RBCK1: variants seen among roughly 807,000 people sequenced by gnomAD.
The protein encoded by RBCK1 is ranBP-type and C3HC4-type zinc finger-containing protein 1.
In RBCK1, 44 loss-of-function variants were observed where a neutral mutation model predicts 71.1. That is an observed-to-expected ratio of 0.62 (90% CI 0.49 to 0.80). The LOEUF (loss-of-function observed/expected upper bound fraction) is 0.80. RBCK1 is among the 30% of genes least tolerant of loss of function. The pLI is 0.00. For synonymous variants in RBCK1, 306 were observed against 279.7 expected, an observed-to-expected ratio of 1.09 and a Z score of -0.94; for missense variants, 569 against 685.0, an observed-to-expected ratio of 0.83 and a Z score of 1.89.
In RBCK1 at chr20:428,539, C is replaced by G; in HGVS notation, c.1258C>G (p.Leu420Val). The G allele has an allele frequency of 6.2e-7, 1 of 1,612,872 alleles. No homozygotes were observed. Among genetic ancestry groups the G allele is most frequent in the Non-Finnish European group, 8.5e-7 (1 of 1,179,580 alleles). Residue 420 changes from leucine (L) to valine (V), a missense_variant, in exon 10 of 12, where the codon CTG becomes GTG. By Grantham distance (32) the Leu-to-Val change is conservative. This residue lies in a region of RBCK1 where 211 missense variants were observed against 309.4 expected (regional missense o/e 0.68). Coordinates refer to ENST00000356286, the MANE Select transcript of RBCK1 (RefSeq NM_031229.4). The surrounding 1 kb of genome is among the most constrained non-coding windows in gnomAD (Gnocchi z 5.7). ...NCKEYQEDLA[L>V]RAQNDVAARQ... ...CAAGGAGTATCAGGAGGACCTGGCCCTGCGGGCTCAGAACGATGTGGCTGC... is the reference window on the plus strand; with the variant it reads ...CAAGGAGTATCAGGAGGACCTGGCCGTGCGGGCTCAGAACGATGTGGCTGC...
rs749049083 is a variant in RBCK1 at position 419,335 on chromosome 20, C to G, written c.461-12C>G. On this transcript the variant is annotated splice_polypyrimidine_tract_variant and intron_variant, in intron 4 of 11. Transcript: ENST00000356286. Reference sequence around the variant, plus strand: ...CCGCGTGGAACCACCACCCTTTAACCCTCCTCCACAGATCTGGGCTTCAAG... The same window carrying G: ...CCGCGTGGAACCACCACCCTTTAACGCTCCTCCACAGATCTGGGCTTCAAG... 10 of 1,611,536 alleles carry G rather than the reference C, an allele frequency of 6.2e-6. No individual in the cohort carries two copies. Among genetic ancestry groups the G allele is most frequent in the Non-Finnish European group, 8.5e-6 (10 of 1,179,782 alleles).
rs774507518 is a variant in RBCK1 at position 429,033 on chromosome 20, G to A, written c.1391G>A (p.Arg464His). The part of the protein sequence containing the change: ...VQKKDGCDWI[R>H]CTVCHTEICW... ...AAGAAGGACGGCTGCGACTGGATCC[G>A]CTGCACCGTCTGCCACACCGAGATC... Residue 464 changes from arginine (R) to histidine (H), a missense_variant, in exon 11 of 12, where the codon CGC becomes CAC. Arg to His is a conservative substitution (Grantham distance 29). This residue lies in a region of RBCK1 where 211 missense variants were observed against 309.4 expected (regional missense o/e 0.68). Transcript: ENST00000356286. 41 of 1,612,464 alleles carry A rather than the reference G, an allele frequency of 2.5e-5. No individual in the cohort carries two copies. The East Asian group carries it at 8.9e-4, about 35-fold the overall frequency.
intron 4 of RBCK1, 58 bp from the exon 5 acceptor site, chr20:419,289 C>CA (rs1184897061): frequency 6.2e-7 from 1 of 1,606,598 alleles, no homozygotes; most frequent in African/African-American, 1.3e-5. Flanking sequence ...GACCCACCCC[C>CA]ATGGGTGTGG....
chr20:429,714 G>T (rs1057406556), intron 11 of RBCK1, among the ~76,000 whole-genome samples: 2 of 152,140 alleles, frequency 1.3e-5, no homozygotes, highest in Non-Finnish European at 2.9e-5. Context: ...ATGGCTGCCC[G>T]GCCCAAAATG....
chr20:426,981 C>T (rs991766459), intron 8 of RBCK1, among the ~76,000 whole-genome samples: 1 of 150,402 alleles, frequency 6.6e-6, no homozygotes, highest in African/African-American at 2.5e-5. Context: ...GTGAGCACCA[C>T]ACCTGGTTAT....
Position 417,757 on chromosome 20 carries a change from C to T in RBCK1, c.287C>T (p.Pro96Leu), listed in dbSNP as rs1409054212. ...GTTTTTCTGGACTATGGCTTCCCAC[C>T]AGTCTTGCAGCAGTGGGTGATTGGG... ...DMVFLDYGFP[P>L]VLQQWVIGQR... The change falls in exon 4 of 12, where the codon CCA becomes CTA. Residue 96 changes from proline to leucine, a missense_variant. By Grantham distance (98) the Pro-to-Leu change is moderately conservative. Coordinates refer to ENST00000356286, the MANE Select transcript of RBCK1 (RefSeq NM_031229.4). The surrounding 1 kb of genome is among the most constrained non-coding windows in gnomAD (Gnocchi z 4.7). 3 of 1,613,698 alleles carry T rather than the reference C, an allele frequency of 1.9e-6. No homozygotes were observed. The highest frequency in any genetic ancestry group is 1.7e-6 in the Non-Finnish European group (2 of 1,179,752).
intron 8 of RBCK1, among the ~76,000 whole-genome samples, chr20:425,831 T>C (rs2122311040): frequency 6.6e-6 from 1 of 152,266 alleles, no homozygotes; most frequent in Non-Finnish European, 1.5e-5. Context: ...TTCACTATGT[T>C]GGCCAAGCTA....
At chr20:419,213 A>T (rs1323791676) in intron 4 of RBCK1, 134 bp from the exon 5 acceptor site, 1 of 1,234,312 alleles carries the variant, frequency 8.1e-7, no homozygotes, top group Non-Finnish European at 1.1e-6. Context: ...GGCCAGATGG[A>T]AGCTGGAGGT....
chr20:415,109 A>C (rs140948810), intron 2 of RBCK1, among the ~76,000 whole-genome samples: 216 of 152,304 alleles, frequency 1.4e-3, no homozygotes, highest in Non-Finnish European at 1.5e-3. Flanking sequence ...GGCACGATGG[A>C]TGATGCTTGT....
chr20:421,139 G>A (rs2016409675), intron 7 of RBCK1, 108 bp downstream of exon 7: 1 of 1,342,972 alleles, frequency 7.4e-7, no homozygotes, highest in Non-Finnish European at 9.9e-7. Flanking sequence ...TTGGACGCCC[G>A]CGAAAACCTA....
intron 2 of RBCK1, chr20:410,737 C>T (rs2015659327): frequency 1.8e-6 from 1 of 544,168 alleles, no homozygotes; most frequent in Non-Finnish European, 3.3e-6. Context: ...GTTATGCACT[C>T]AATAATAAAC....
intron 4 of RBCK1, 126 bp from the exon 5 acceptor site, chr20:419,221 G>A: frequency 1.5e-6 from 2 of 1,316,472 alleles, no homozygotes; most frequent in Non-Finnish European, 2.1e-6. Flanking sequence ...GGAAGCTGGA[G>A]GTACCCCCAG....
At chr20:423,258 C>T (rs1353280747) in intron 8 of RBCK1, among the ~76,000 whole-genome samples, 1 of 152,170 alleles carries the variant, frequency 6.6e-6, no homozygotes, top group East Asian at 1.9e-4. Flanking sequence ...GAGATCGCGC[C>T]ATTGCACTCC....
intron 4 of RBCK1, 108 bp from the exon 5 acceptor site, chr20:419,239 G>A: frequency 6.9e-7 from 1 of 1,452,832 alleles, no homozygotes; most frequent in Non-Finnish European, 9.3e-7. Context: ...CAGGGAGGAG[G>A]GAGAGGATAG....
At chr20:418,573 T>A (rs1179322030) in intron 4 of RBCK1, among the ~76,000 whole-genome samples, 2 of 152,162 alleles carry the variant, frequency 1.3e-5, no homozygotes, top group Non-Finnish European at 2.9e-5. Flanking sequence ...TTTCACCGTG[T>A]TAGCCAGGAT....
At chr20:418,008 G>C in intron 4 of RBCK1, 78 bp downstream of exon 4, 1 of 1,416,878 alleles carries the variant, frequency 7.1e-7, no homozygotes, top group Non-Finnish European at 9.4e-7. Context: ...AGCAGGGGCA[G>C]AGCCCCTGGG....
At chr20:420,258 C>T (rs1032213952) in intron 6 of RBCK1, 57 of 984,946 alleles carry the variant, frequency 5.8e-5, no homozygotes, top group Admixed American at 6.2e-5. Flanking sequence ...GGATGACCCC[C>T]GACCCCGGTC....
In RBCK1 at chr20:430,232, C is replaced by T. The variant is rs2016947321; in HGVS notation, c.1453-118C>T. 3.9e-5 allele frequency: 34 copies of T among 866,846 alleles called. 1 individual carries two copies. In the South Asian group the frequency reaches 4.9e-4, roughly 12 times the overall value. 53.7% of individuals were successfully genotyped at this position (866,846 alleles called of 1,614,324 possible). A position where few individuals can be genotyped will look rare whatever the true frequency, so the allele number is the denominator to read the frequency against. Reference sequence around the variant, plus strand: ...CTCTCCATCAGGTAGCTGAGGCTGACCAGGCCATTCTTGCAGGAGGACCTG... The same window carrying T: ...CTCTCCATCAGGTAGCTGAGGCTGATCAGGCCATTCTTGCAGGAGGACCTG... On this transcript the variant is annotated intron_variant, in intron 11 of 11. Coordinates refer to ENST00000356286, the MANE Select transcript of RBCK1 (RefSeq NM_031229.4). This position sits in a 1 kb window ranked among gnomAD's most constrained non-coding sequence, Gnocchi z 5.6.
At chr20:413,003 C>T (rs973209564) in intron 2 of RBCK1, among the ~76,000 whole-genome samples, 1 of 152,002 alleles carries the variant, frequency 6.6e-6, no homozygotes, top group Non-Finnish European at 1.5e-5. Context: ...TTCTTTTGCA[C>T]GTGGATATTG....
Sources: gnomAD v4.1 joint callset for allele counts (sites outside exome capture counted in the v4.1 genomes callset) on GRCh38, gnomAD v4.1.1 for gene constraint, gnomAD v4.1.1 regional missense constraint, Gnocchi (gnomAD v3.1) non-coding constraint, MANE v1.5 for transcripts, NCBI Gene and HGNC (gene_info 2026-07-23, HGNC 2026-07-21) for gene names.